Variants in PRKG1 observed in about 807,000 individuals in gnomAD.
PRKG1 encodes protein kinase cGMP-dependent 1.
In PRKG1, 35 loss-of-function variants were observed where a neutral mutation model predicts 88.1. The observed-to-expected ratio is 0.40, with a 90% CI of 0.30 to 0.53. The LOEUF is 0.53. PRKG1 is among the 20% of genes least tolerant of loss of function. The pLI, the probability that PRKG1 is intolerant of heterozygous loss-of-function variation, is 0.59. For synonymous variants in PRKG1, 303 were observed against 292.5 expected (o/e 1.04, Z -0.37); for missense variants, 540 against 839.8 (o/e 0.64, Z 4.41).
At chr10:52,122,389 C>T (rs1163232489) in intron 7 of PRKG1, among the ~76,000 whole-genome samples, 5 of 152,144 alleles carry the variant, frequency 3.3e-5, no homozygotes, top group African/African-American at 1.2e-4. Flanking sequence ...CTGGGGGATA[C>T]GTTCAAACCA....
chr10:51,435,459 T>C (rs1838899636), intron 2 of PRKG1, among the ~76,000 whole-genome samples: 1 of 151,724 alleles, frequency 6.6e-6, no homozygotes, highest in Non-Finnish European at 1.5e-5. Flanking sequence ...ATGACATATA[T>C]ATATATATGG....
At chr10:51,126,027 T>TA (rs1290099359) in intron 1 of PRKG1, among the ~76,000 whole-genome samples, 5 of 124,676 alleles carry the variant, frequency 4.0e-5, no homozygotes, top group African/African-American at 1.6e-4. Context: ...TATTTATATA[T>TA]AATTATATCT....
chr10:52,128,261 G>A, intron 7 of PRKG1: 1 of 985,446 alleles, frequency 1.0e-6, no homozygotes, highest in Non-Finnish European at 1.2e-6. Context: ...TCTGTGGACA[G>A]CAGTCATGTT....
intron 4 of PRKG1, among the ~76,000 whole-genome samples, chr10:51,875,163 G>A (rs1841262551): frequency 2.0e-5 from 3 of 151,936 alleles, no homozygotes; most frequent in South Asian, 4.2e-4. Flanking sequence ...GTAGCTTTAG[G>A]AATACTAGAA....
intron 3 of PRKG1, among the ~76,000 whole-genome samples, chr10:51,728,505 CTCA>C (rs1341991300): frequency 7.1e-6 from 1 of 140,296 alleles, no homozygotes; most frequent in Non-Finnish European, 1.5e-5. Context: ...CCACAAAATC[CTCA>C]CTCTCAAGGA....
chr10:51,798,197 A>G (rs1839067251), intron 3 of PRKG1, among the ~76,000 whole-genome samples: 1 of 152,030 alleles, frequency 6.6e-6, no homozygotes, highest in Non-Finnish European at 1.5e-5. Flanking sequence ...TACTGATCCC[A>G]TGTTTAATTT....
intron 3 of PRKG1, among the ~76,000 whole-genome samples, chr10:51,797,384 TTA>T (rs980997171): frequency 7.5e-5 from 11 of 146,258 alleles, no homozygotes; most frequent in Non-Finnish European, 1.7e-4. Flanking sequence ...AAAATATATA[TTA>T]TATATCTTTA....
At chr10:52,071,216 G>A (rs1355059933) in intron 7 of PRKG1, among the ~76,000 whole-genome samples, 1 of 152,038 alleles carries the variant, frequency 6.6e-6, no homozygotes, top group Non-Finnish European at 1.5e-5. Context: ...TGATGCTGAG[G>A]TTTAGGCTTC....
chr10:51,054,432 A>T, intron 1 of PRKG1, among the ~76,000 whole-genome samples: 1 of 152,198 alleles, frequency 6.6e-6, no homozygotes. Context: ...GATGCTGCAT[A>T]GTTATATAAT....
chr10:52,284,958 T>C (rs1357773925), intron 14 of PRKG1, among the ~76,000 whole-genome samples: 2 of 152,090 alleles, frequency 1.3e-5, no homozygotes. Context: ...AGGAAATAAA[T>C]GATCTGGTTA....
At chr10:52,167,562 T>A (rs940351150) in intron 9 of PRKG1, among the ~76,000 whole-genome samples, 2 of 152,172 alleles carry the variant, frequency 1.3e-5, no homozygotes, top group East Asian at 3.9e-4. Context: ...TAGACTGATT[T>A]GAGTTGTAGC....
intron 1 of PRKG1, among the ~76,000 whole-genome samples, chr10:51,102,464 G>T (rs1319798472): frequency 6.6e-6 from 1 of 152,004 alleles, no homozygotes; most frequent in Non-Finnish European, 1.5e-5. Flanking sequence ...AGAATTAAAG[G>T]CAGAGTCTTT....
intron 7 of PRKG1, among the ~76,000 whole-genome samples, chr10:52,104,569 C>T (rs996941644): frequency 1.3e-5 from 2 of 152,148 alleles, no homozygotes; most frequent in Middle Eastern, 3.4e-3. Context: ...TCTGCTGAAA[C>T]TTTCAACTAT....
At chr10:51,948,342 C>T (rs1292994141) in intron 5 of PRKG1, among the ~76,000 whole-genome samples, 4 of 151,972 alleles carry the variant, frequency 2.6e-5, no homozygotes, top group Non-Finnish European at 4.4e-5. Flanking sequence ...TTGCCCACTT[C>T]CTAAGTAGTA....
intron 3 of PRKG1, among the ~76,000 whole-genome samples, chr10:51,628,359 C>T (rs1839427752): frequency 6.6e-6 from 1 of 151,110 alleles, no homozygotes; most frequent in South Asian, 2.1e-4. Flanking sequence ...AATGAGGTCT[C>T]ACTATGTTGC....
chr10:51,483,837 C>T (rs1406164815), intron 3 of PRKG1, among the ~76,000 whole-genome samples: 15 of 152,322 alleles, frequency 9.8e-5, no homozygotes, highest in Non-Finnish European at 2.9e-5. Flanking sequence ...CAGGAAATAT[C>T]TGCTGAAACC....
chr10:51,307,802 A>G (rs1294684250), intron 2 of PRKG1, among the ~76,000 whole-genome samples: 1 of 152,106 alleles, frequency 6.6e-6, no homozygotes, highest in Non-Finnish European at 1.5e-5. Flanking sequence ...GAGGTACTCT[A>G]AATAATTTTA....
chr10:51,690,910 G>A (rs550712007), intron 3 of PRKG1, among the ~76,000 whole-genome samples: 30 of 116,810 alleles, frequency 2.6e-4, no homozygotes, highest in Non-Finnish European at 4.9e-5. Context: ...CCTGGCGACA[G>A]AGTGAGACTC....
Position 51,942,167 on chromosome 10 carries a change from C to A in PRKG1, c.762+34597C>A, listed in dbSNP as rs1464084431. ...TTCTAACTGGTGTGAGATGGTATCT[C>A]ATTGTGGTTTTGATTTGCATTTCTC... On this transcript the variant is annotated intron_variant, in intron 5 of 17. Coordinates refer to ENST00000373980, the MANE Select transcript of PRKG1 (RefSeq NM_006258.4). 2.0e-5 allele frequency among the ~76,000 whole-genome samples: 3 copies of A among 151,912 alleles called. No homozygotes were observed. The South Asian group carries it at 6.2e-4, about 31-fold the overall frequency.
Sources: gnomAD v4.1 joint callset for allele counts (sites outside exome capture counted in the v4.1 genomes callset) on GRCh38, gnomAD v4.1.1 for gene constraint, MANE v1.5 for transcripts, NCBI Gene and HGNC (gene_info 2026-07-23, HGNC 2026-07-21) for gene names.